Variants in YY1 observed in about 807,000 individuals in gnomAD.
YY1 encodes transcriptional repressor protein YY1.
In YY1, 2 loss-of-function variants were observed where a neutral mutation model predicts 35.6. The observed-to-expected ratio is 0.06, with a 90% CI of 0.02 to 0.18. The LOEUF (loss-of-function observed/expected upper bound fraction) is 0.18, where lower values mean the gene tolerates loss of function less well. YY1 is among the 10% of genes least tolerant of loss of function. The pLI is 1.00. For missense variants in YY1, 322 were observed against 573.4 expected, an observed-to-expected ratio of 0.56 and a Z score of 4.48; for synonymous variants, 268 against 238.9, an observed-to-expected ratio of 1.12 and a Z score of -1.12.
At chr14:100,261,967 T>G (rs1024350926) in intron 1 of YY1, among the ~76,000 whole-genome samples, 1 of 152,004 alleles carries the variant, frequency 6.6e-6, no homozygotes, top group African/African-American at 2.4e-5. Flanking sequence ...TGGGTAACAT[T>G]GTGAGACCCT....
chr14:100,275,104 G>A (rs1891300337), intron 3 of YY1, among the ~76,000 whole-genome samples: 1 of 152,208 alleles, frequency 6.6e-6, no homozygotes. Flanking sequence ...ACTGAAATTT[G>A]AAAATTATTT....
intron 1 of YY1, among the ~76,000 whole-genome samples, chr14:100,258,902 C>T (rs753616616): frequency 2.0e-5 from 3 of 152,204 alleles, no homozygotes; most frequent in African/African-American, 7.2e-5. Flanking sequence ...ATGGAACCTA[C>T]GTTCTATCTT....
rs557581745 is a variant in YY1, at chr14:100,254,018, T to C, written c.680-8286T>C. 1.4e-4 allele frequency among the ~76,000 whole-genome samples: 22 copies of C among 151,876 alleles called. No homozygotes were observed. In the South Asian group the frequency reaches 4.6e-3, roughly 32 times the overall value. On this transcript the variant is annotated intron_variant, in intron 1 of 4. Coordinates refer to ENST00000262238, the MANE Select transcript of YY1 (RefSeq NM_003403.5). The stretch of plus-strand genomic sequence containing the variant: ...AATCTTTTTTTTTATATATTTTTGC[T>C]AGAGGTGGGGTTTCACCATGTTGGC...
chr14:100,271,182 G>A (rs1312013898), intron 2 of YY1, among the ~76,000 whole-genome samples: 3 of 152,164 alleles, frequency 2.0e-5, no homozygotes, highest in African/African-American at 7.2e-5. Flanking sequence ...GGGAGGCAGA[G>A]CTTGCAGTGA....
chr14:100,254,032 C>G (rs962600265), intron 1 of YY1, among the ~76,000 whole-genome samples: 5 of 151,580 alleles, frequency 3.3e-5, no homozygotes, highest in Non-Finnish European at 7.4e-5. Context: ...GGTGGGGTTT[C>G]ACCATGTTGG....
At chr14:100,252,056 CAT>C (rs1260152286) in intron 1 of YY1, among the ~76,000 whole-genome samples, 1 of 152,102 alleles carries the variant, frequency 6.6e-6, no homozygotes, top group African/African-American at 2.4e-5. Context: ...TTAGGTAGGT[CAT>C]GAGAGGAAGG....
intron 1 of YY1, among the ~76,000 whole-genome samples, chr14:100,241,280 A>G (rs1890737254): frequency 6.6e-6 from 1 of 152,228 alleles, no homozygotes; most frequent in Non-Finnish European, 1.5e-5. Context: ...AAGCTTCATA[A>G]ATTCTCAGAA....
chr14:100,252,066 A>C (rs1890932722), intron 1 of YY1, among the ~76,000 whole-genome samples: 1 of 152,214 alleles, frequency 6.6e-6, no homozygotes, highest in Non-Finnish European at 1.5e-5. Flanking sequence ...CATGAGAGGA[A>C]GGCAAGAGGG....
At chr14:100,265,086 A>G (rs900342523) in intron 2 of YY1, among the ~76,000 whole-genome samples, 10 of 152,150 alleles carry the variant, frequency 6.6e-5, no homozygotes, top group African/African-American at 2.4e-4. Context: ...TCTAAAAAAG[A>G]AGGAAACTGA....
At chr14:100,266,950 G>T (rs1891164643) in intron 2 of YY1, among the ~76,000 whole-genome samples, 2 of 152,150 alleles carry the variant, frequency 1.3e-5, no homozygotes, top group South Asian at 4.1e-4. Context: ...TCAGAAGGAA[G>T]ATTTCCTAGT....
At chr14:100,257,718 C>T (rs909004366) in intron 1 of YY1, among the ~76,000 whole-genome samples, 5 of 152,248 alleles carry the variant, frequency 3.3e-5, no homozygotes, top group East Asian at 1.9e-4. Context: ...TTCTAGCTTC[C>T]GAACTGTGGG....
intron 1 of YY1, among the ~76,000 whole-genome samples, chr14:100,252,768 T>TG (rs1376199268): frequency 6.6e-6 from 1 of 152,188 alleles, no homozygotes; most frequent in African/African-American, 2.4e-5. Flanking sequence ...CCAGGCATGG[T>TG]GGCTCACACC....
chr14:100,274,499 T>C (rs1392440204), intron 2 of YY1, among the ~76,000 whole-genome samples, 199 bp from the exon 3 acceptor site: 1 of 152,258 alleles, frequency 6.6e-6, no homozygotes, highest in Non-Finnish European at 1.5e-5. Context: ...AGCATCCTTA[T>C]CTGTAAGATG....
chr14:100,250,994 A>G (rs1270801687), intron 1 of YY1, among the ~76,000 whole-genome samples: 1 of 152,178 alleles, frequency 6.6e-6, no homozygotes, highest in African/African-American at 2.4e-5. Context: ...TTCTGTCTCA[A>G]ATGAAAAGAG....
intron 1 of YY1, 51 bp from the exon 2 acceptor site, chr14:100,262,253 G>C (rs369381168): frequency 6.2e-7 from 1 of 1,604,606 alleles, no homozygotes; most frequent in African/African-American, 1.3e-5. Flanking sequence ...AGTTTTTGTA[G>C]TTTTTAAAAT....
rs769149627 is a variant in YY1 at position 100,239,678 on chromosome 14, A to G, written c.434A>G (p.Tyr145Cys). 10 of 1,607,564 alleles carry G rather than the reference A, an allele frequency of 6.2e-6. No individual in the cohort carries two copies. Among genetic ancestry groups the G allele is most frequent in the Non-Finnish European group, 8.5e-6 (10 of 1,179,332 alleles). The change falls in exon 1 of 5, where the codon TAC becomes TGC. Residue 145 changes from tyrosine to cysteine, a missense_variant. Physicochemically the swap from Tyr to Cys is radical, Grantham distance 194. Around this residue, in one of 4 missense-constraint regions of YY1, gnomAD observed 152 missense variants for 167.1 expected, o/e 0.91. Coordinates refer to ENST00000262238, the MANE Select transcript of YY1 (RefSeq NM_003403.5). The part of the protein sequence containing the change: ...VPAPAGGDDD[Y>C]IEQTLVTVAA... Reference sequence around the variant, plus strand: ...GCGCCGGCCGGCGGCGACGACGACTACATTGAACAAACGCTGGTCACCGTG... The same window carrying G: ...GCGCCGGCCGGCGGCGACGACGACTGCATTGAACAAACGCTGGTCACCGTG...
intron 1 of YY1, among the ~76,000 whole-genome samples, chr14:100,254,060 T>G (rs1890964722): frequency 6.6e-6 from 1 of 151,088 alleles, no homozygotes; most frequent in South Asian, 2.1e-4. Context: ...GGTCTCGAAC[T>G]CCTGACCTCA....
intron 1 of YY1, among the ~76,000 whole-genome samples, chr14:100,256,533 G>A (rs1301104476): frequency 6.6e-6 from 1 of 152,204 alleles, no homozygotes; most frequent in Non-Finnish European, 1.5e-5. Context: ...ATGGAATGTT[G>A]TTATATGTTA....
At chr14:100,261,090 C>T (rs939187147) in intron 1 of YY1, among the ~76,000 whole-genome samples, 38 of 151,802 alleles carry the variant, frequency 2.5e-4, no homozygotes, top group African/African-American at 8.5e-4. Context: ...AGCCACTGCA[C>T]CTGGCCTATT....
Sources: gnomAD v4.1 joint callset for allele counts (sites outside exome capture counted in the v4.1 genomes callset) on GRCh38, gnomAD v4.1.1 for gene constraint, gnomAD v4.1.1 regional missense constraint, MANE v1.5 for transcripts, NCBI Gene and HGNC (gene_info 2026-07-23, HGNC 2026-07-21) for gene names.